The following HTR4 variants were observed in gnomAD, a reference collection of about 807,000 sequenced individuals.
HTR4 encodes 5-hydroxytryptamine (serotonin) receptor 4, G protein-coupled.
In HTR4, 16 loss-of-function variants were observed where a neutral mutation model predicts 36.8. The ratio of observed to expected loss-of-function variants is 0.43; its 90% CI spans 0.29 to 0.66. HTR4 has a LOEUF of 0.66. Ranked by LOEUF, HTR4 falls within the 30% of genes least tolerant of loss-of-function variation. The pLI is 0.13. For synonymous variants in HTR4, 189 were observed against 185.1 expected (o/e 1.02, Z -0.17); for missense variants, 438 against 490.9 (o/e 0.89, Z 1.02).
At chr5:148,472,166 C>T (rs768313521), downstream of HTR4, among the ~76,000 whole-genome samples, 8 of 152,158 alleles carry the variant, frequency 5.3e-5, no homozygotes, top group Non-Finnish European at 1.0e-4. Context: ...CAGAAGGTGG[C>T]AATACAGAGT....
downstream of HTR4, among the ~76,000 whole-genome samples, chr5:148,472,502 G>T (rs1029937272): frequency 6.6e-6 from 1 of 152,040 alleles, no homozygotes; most frequent in East Asian, 1.9e-4. Context: ...TGTTGGTGTT[G>T]GTATTGTTGT....
intron 5 of HTR4, among the ~76,000 whole-genome samples, chr5:148,514,813 T>C (rs1270487780): frequency 1.3e-5 from 2 of 152,176 alleles, no homozygotes. Context: ...TTCCTTAAAT[T>C]TTATTCTATC....
intron 6 of HTR4, 85 bp from the exon 7 acceptor site, chr5:148,483,378 G>A: frequency 8.2e-7 from 1 of 1,217,854 alleles, no homozygotes; most frequent in Non-Finnish European, 1.2e-6. Flanking sequence ...TGCATGGCAG[G>A]AACACTCTGT....
chr5:148,610,051 C>A (rs531443739), intron 2 of HTR4, among the ~76,000 whole-genome samples: 1 of 152,188 alleles, frequency 6.6e-6, no homozygotes, highest in Non-Finnish European at 1.5e-5. Flanking sequence ...TCATTGGAAG[C>A]CAGGGCATTT....
intron 1 of HTR4, among the ~76,000 whole-genome samples, chr5:148,648,031 T>G (rs1335426593): frequency 2.6e-5 from 4 of 152,158 alleles, no homozygotes; most frequent in Admixed American, 6.5e-5. Context: ...AAGAATGGAT[T>G]GGTGAATAGA....
chr5:148,481,051 T>C (rs1268405563), downstream of HTR4, among the ~76,000 whole-genome samples: 1 of 152,322 alleles, frequency 6.6e-6, no homozygotes, highest in Non-Finnish European at 1.5e-5. Flanking sequence ...ACGTGCTGCC[T>C]CTGTGCTGTA....
rs890406364 is a variant in HTR4 at position 148,530,126 on chromosome 5, A to T, written c.354-6780T>A. 1.3e-4 allele frequency among the ~76,000 whole-genome samples: 20 copies of T among 152,304 alleles called. No homozygotes were observed. In the East Asian group the frequency reaches 2.1e-3, roughly 16 times the overall value. ...GAAAGCAGAGCATAAAAGTTTGGAA[A>T]ATTTGCAGCCTGACAATAAAATAGA... On this transcript the variant is annotated intron_variant, in intron 4 of 6. Transcript: ENST00000377888.
chr5:148,468,111 C>T (rs1755478488), intron 5 of HTR4, among the ~76,000 whole-genome samples: 1 of 152,216 alleles, frequency 6.6e-6, no homozygotes, highest in Non-Finnish European at 1.5e-5. Context: ...GGAAGCAGCG[C>T]AGGTGGCTGT....
At chr5:148,583,864 T>A (rs2127250412) in intron 2 of HTR4, among the ~76,000 whole-genome samples, 1 of 152,210 alleles carries the variant, frequency 6.6e-6, no homozygotes, top group Middle Eastern at 3.4e-3. Context: ...GAAGCTCTAG[T>A]CCTGGAACTG....
intron 5 of HTR4, among the ~76,000 whole-genome samples, chr5:148,457,372 A>G (rs1018741129): frequency 6.6e-6 from 1 of 152,082 alleles, no homozygotes; most frequent in Non-Finnish European, 1.5e-5. Context: ...TTACTCAAAC[A>G]TGACGGGAGC....
rs1312426352 is a variant in HTR4 at position 148,482,503 on chromosome 5, T to G, written c.*700A>C. 1.0e-6 allele frequency: 1 copy of G among 985,464 alleles called. No homozygotes were observed. The highest frequency in any genetic ancestry group is 1.2e-6 in the Non-Finnish European group (1 of 830,122). The allele number at this position is 985,464 out of a possible 1,614,324, so 61.0% of individuals were successfully genotyped here. A position where few individuals can be genotyped will look rare whatever the true frequency, so the allele number is the denominator to read the frequency against. On this transcript the variant is annotated 3_prime_UTR_variant, in exon 7 of 7. Transcript: ENST00000377888. Reference sequence around the variant, plus strand: ...GGAGACCATTTTCCTCTGACAGATCTCTGACCCTGTGTCTTCCATGGAAAA... The same window carrying G: ...GGAGACCATTTTCCTCTGACAGATCGCTGACCCTGTGTCTTCCATGGAAAA...
chr5:148,603,824 T>C (rs936881594), intron 2 of HTR4, among the ~76,000 whole-genome samples: 6 of 152,048 alleles, frequency 3.9e-5, no homozygotes, highest in Non-Finnish European at 7.4e-5. Context: ...GATAGGGTGA[T>C]ATTGGTATAA....
chr5:148,601,926 T>A (rs1762011196), intron 2 of HTR4, among the ~76,000 whole-genome samples: 1 of 152,110 alleles, frequency 6.6e-6, no homozygotes, highest in African/African-American at 2.4e-5. Context: ...CTATATGGGA[T>A]CTAAATCAAT....
chr5:148,523,878 A>C (rs1210582785), intron 4 of HTR4, among the ~76,000 whole-genome samples: 3 of 152,076 alleles, frequency 2.0e-5, no homozygotes, highest in African/African-American at 7.2e-5. Flanking sequence ...AATCTATTTG[A>C]TTACAACTTG....
intron 2 of HTR4, among the ~76,000 whole-genome samples, chr5:148,614,231 C>G (rs1752565510): frequency 6.6e-6 from 1 of 152,126 alleles, no homozygotes; most frequent in Non-Finnish European, 1.5e-5. Flanking sequence ...CAAGTCAATC[C>G]TAAGCCAAAA....
intron 6 of HTR4, among the ~76,000 whole-genome samples, chr5:148,489,791 C>T (rs539910569): frequency 6.6e-6 from 1 of 152,004 alleles, no homozygotes; most frequent in Non-Finnish European, 1.5e-5. Flanking sequence ...TTGGATCAGG[C>T]CAAGAAGGGT....
Position 148,654,274 on chromosome 5 carries a change from GC to G in HTR4, c.-261del. On this transcript the variant is annotated 5_prime_UTR_variant, in exon 1 of 7. Transcript: ENST00000377888. ...CAGGGGCTGCGGGCGCAGGACCCCA[GC>G]CCCGGATCACCTGGGCTCGCCGCGC... The G allele has an allele frequency of 1.0e-6, 1 of 985,246 alleles. No homozygotes were observed. The highest frequency in any genetic ancestry group is 1.2e-6 in the Non-Finnish European group (1 of 829,886). The allele number at this position is 985,246 out of a possible 1,614,324, so 61.0% of individuals were successfully genotyped here. A position where few individuals can be genotyped will look rare whatever the true frequency, so the allele number is the denominator to read the frequency against.
chr5:148,491,311 C>T (rs1040387114), intron 6 of HTR4, among the ~76,000 whole-genome samples: 4 of 151,892 alleles, frequency 2.6e-5, no homozygotes, highest in African/African-American at 7.3e-5. Context: ...TCGCCTTCTA[C>T]GGCGCTATAT....
downstream of HTR4, among the ~76,000 whole-genome samples, chr5:148,472,743 C>A (rs1283145063): frequency 6.6e-6 from 1 of 152,114 alleles, no homozygotes; most frequent in South Asian, 2.1e-4. Context: ...GGAGAAGTTG[C>A]ACACAGCCTG....
Sources: allele counts gnomAD v4.1 joint callset (sites outside exome capture counted in the v4.1 genomes callset), GRCh38; gene constraint gnomAD v4.1.1; transcripts MANE v1.5; gene names NCBI Gene and HGNC (gene_info 2026-07-23, HGNC 2026-07-21).